The following SETD1A variants were observed in gnomAD, a reference collection of about 807,000 sequenced individuals.
SETD1A encodes histone-lysine N-methyltransferase SETD1A.
A neutral mutation model predicts 149.9 loss-of-function variants in SETD1A; 29 were observed. The ratio of observed to expected loss-of-function variants is 0.19; its 90% CI spans 0.14 to 0.26. The LOEUF is 0.26. Ranked by LOEUF, SETD1A falls within the 10% of genes least tolerant of loss-of-function variation. The probability of loss-of-function intolerance (pLI) is 1.00; values close to 1 mark genes in which losing one functional copy is unlikely to be tolerated. For missense variants in SETD1A, 2,109 were observed against 2,353.1 expected, an observed-to-expected ratio of 0.90 and a Z score of 2.15; for synonymous variants, 1,141 against 968.5, an observed-to-expected ratio of 1.18 and a Z score of -3.31.
rs2056200927 is a variant in SETD1A at position 30,969,697 on chromosome 16, C to T, written c.3016+8C>T. Reference sequence around the variant, plus strand: ...AGACAGAGGTGTCGGATGGTGAGCACAAGACAGTGAAATCGACTTTGGGCT... The same window carrying T: ...AGACAGAGGTGTCGGATGGTGAGCATAAGACAGTGAAATCGACTTTGGGCT... On this transcript the variant is annotated splice_region_variant and intron_variant, in intron 12 of 18. Coordinates refer to ENST00000262519, the MANE Select transcript of SETD1A (RefSeq NM_014712.3). 6.2e-7 allele frequency: 1 copy of T among 1,611,330 alleles called. No individual in the cohort carries two copies. Among genetic ancestry groups the T allele is most frequent in the African/African-American group, 1.3e-5 (1 of 74,872 alleles).
Position 30,984,644 on chromosome 16 carries a change from ATTAAACT to A in SETD1A, c.*625_*631del, listed in dbSNP as rs1382615818. ...CCGACGCCACATTTTTATAATTGTGATTAAACTTTATTGTACAAAAGTGTTTGGTCGG... is the reference window on the plus strand; with the variant it reads ...CCGACGCCACATTTTTATAATTGTGATTATTGTACAAAAGTGTTTGGTCGG... On this transcript the variant is annotated 3_prime_UTR_variant, in exon 19 of 19. Coordinates refer to ENST00000262519, the MANE Select transcript of SETD1A (RefSeq NM_014712.3). 1 of 152,960 alleles carries A rather than the reference ATTAAACT, an allele frequency of 6.5e-6. No individual in the cohort carries two copies. The highest frequency in any genetic ancestry group is 1.5e-5 in the Non-Finnish European group (1 of 68,322). The allele number at this position is 152,960 out of a possible 1,614,324, so 9.5% of individuals were successfully genotyped here. A position where few individuals can be genotyped will look rare whatever the true frequency, so the allele number is the denominator to read the frequency against.
In SETD1A at chr16:30,966,368, C is replaced by T; in HGVS notation, c.2487C>T (p.Ser829=). The T allele has an allele frequency of 6.2e-7, 1 of 1,609,156 alleles. No individual in the cohort carries two copies. ...AFGAFDQWWE[S]KEEKAKPFQN... ...GAGCCTTTGACCAGTGGTGGGAGAG[C>T]AAGGAGGAGAAGGCCAAGGTGAGGC... Residue 829 remains serine, a synonymous_variant, in exon 8 of 19, where the codon AGC becomes AGT. Coordinates refer to ENST00000262519, the MANE Select transcript of SETD1A (RefSeq NM_014712.3).
rs2056082120 is a variant in SETD1A, at chr16:30,963,437, A to G, written c.522A>G (p.Gln174=). 1.2e-6 allele frequency: 2 copies of G among 1,605,556 alleles called. No homozygotes were observed. The highest frequency in any genetic ancestry group is 1.7e-5 in the Admixed American group (1 of 59,030). The stretch of plus-strand genomic sequence containing the variant: ...TTCCCATTTCCCTCCCTCCAGGACA[A>G]CAACGAATGAAATACTATGAACTAA... ...IIHAQLDIKG[Q]QRMKYYELIV... is the part of the protein sequence containing the mutation. The change falls in exon 5 of 19, where the codon CAA becomes CAG. Residue 174 remains glutamine (Q), a synonymous_variant. Transcript: ENST00000262519.
rs1289010854 is a variant in SETD1A, at chr16:30,957,864, C to T, written c.-116C>T. The T allele has an allele frequency of 6.6e-6, 1 of 152,316 alleles. No homozygotes were observed. Among genetic ancestry groups the T allele is most frequent in the Non-Finnish European group, 1.5e-5 (1 of 68,074 alleles). The allele number at this position is 152,316 out of a possible 1,614,324, so 9.4% of individuals were successfully genotyped here. A position where few individuals can be genotyped will look rare whatever the true frequency, so the allele number is the denominator to read the frequency against. ...CGCAACTTCCGAGCCTCCCAGGGCG[C>T]CGGCCGAGGCGAAGCCGCTACCCTC... On this transcript the variant is annotated 5_prime_UTR_variant, in exon 1 of 19. Transcript: ENST00000262519.
intron 3 of SETD1A, among the ~76,000 whole-genome samples, chr16:30,960,294 C>T (rs2056031857): frequency 6.6e-6 from 1 of 152,162 alleles, no homozygotes; most frequent in Non-Finnish European, 1.5e-5. Flanking sequence ...CCTGGCCAAG[C>T]CTTATCCTCC....
At chr16:30,958,041 G>A (rs1567347379) in intron 1 of SETD1A, 77 bp downstream of exon 1, 1 of 150,900 alleles carries the variant, frequency 6.6e-6, no homozygotes, top group Non-Finnish European at 1.5e-5. Flanking sequence ...TGCGGGGCCG[G>A]GTCTCGCGCT....
intron 13 of SETD1A, among the ~76,000 whole-genome samples, chr16:30,974,876 C>T (rs1274871075): frequency 3.9e-5 from 6 of 152,096 alleles, no homozygotes; most frequent in African/African-American, 1.4e-4. Flanking sequence ...GGTGCGGTGG[C>T]TCACGCCTGT....
At chr16:30,971,750 C>CTG (rs756047114) in intron 13 of SETD1A, 31 bp downstream of exon 13, 5 of 1,525,680 alleles carry the variant, frequency 3.3e-6, no homozygotes, top group East Asian at 4.6e-5. Flanking sequence ...GGTTAGATCG[C>CTG]TGTGTGTGTG....
chr16:30,981,985 T>C (rs1343403342), intron 17 of SETD1A, among the ~76,000 whole-genome samples: 3 of 151,898 alleles, frequency 2.0e-5, no homozygotes, highest in African/African-American at 7.3e-5. Flanking sequence ...TGGCATTTGG[T>C]ATTAACAAGA....
chr16:30,958,524 G>A, intron 1 of SETD1A, 193 bp from the exon 2 acceptor site: 1 of 591,222 alleles, frequency 1.7e-6, no homozygotes, highest in Non-Finnish European at 3.0e-6. Flanking sequence ...AGAGTTGGGA[G>A]GTGGAAAGAG....
chr16:30,982,798 T>G (rs1168907085), intron 17 of SETD1A, among the ~76,000 whole-genome samples: 2 of 151,316 alleles, frequency 1.3e-5, no homozygotes, highest in African/African-American at 4.9e-5. Context: ...AGAGGAGGCT[T>G]TGGGTGCAAG....
Position 30,964,828 on chromosome 16 carries a change from T to C in SETD1A, c.1086T>C (p.Ser362=). 6.2e-7 allele frequency: 1 copy of C among 1,614,198 alleles called. No homozygotes were observed. ...CCTCGTCCTCTCAGTTTCGTAGTTCTGATGCAAACTACCCAGCGTATTATG... is the reference window on the plus strand; with the variant it reads ...CCTCGTCCTCTCAGTTTCGTAGTTCCGATGCAAACTACCCAGCGTATTATG... ...SSSSSSQFRS[S]DANYPAYYES... The change falls in exon 7 of 19, where the codon TCT becomes TCC. Residue 362 remains serine, a synonymous_variant. Coordinates refer to ENST00000262519, the MANE Select transcript of SETD1A (RefSeq NM_014712.3).
At chr16:30,966,419 G>A in intron 8 of SETD1A, 33 bp downstream of exon 8, 1 of 1,562,692 alleles carries the variant, frequency 6.4e-7, no homozygotes, top group Non-Finnish European at 8.7e-7. Context: ...GGGAGCCCTG[G>A]GCTTTGCAGG....
Position 30,983,620 on chromosome 16 carries a change from A to T in SETD1A, c.4813-15A>T. 6.2e-7 allele frequency: 1 copy of T among 1,609,700 alleles called. No homozygotes were observed. Among genetic ancestry groups the T allele is most frequent in the East Asian group, 2.2e-5 (1 of 44,718 alleles). On this transcript the variant is annotated splice_polypyrimidine_tract_variant and intron_variant, in intron 17 of 18. Transcript: ENST00000262519. This position sits in a 1 kb window ranked among gnomAD's most constrained non-coding sequence, Gnocchi z 6.8. ...TGGGGGACTCTTCCCTGACCATCGC[A>T]TCTCACCCTGGCAGATGGTGGCCGA...
At chr16:30,960,004 C>T (rs902461308) in intron 3 of SETD1A, among the ~76,000 whole-genome samples, 4 of 152,162 alleles carry the variant, frequency 2.6e-5, no homozygotes, top group South Asian at 2.1e-4. Flanking sequence ...GCAGTACCAT[C>T]GACTCAGCTG....
rs1227131701 is a variant in SETD1A, at chr16:30,979,926, C to T, written c.4140C>T (p.Ser1380=). ...AGGAGGAGGAGTCCTCTGACAGCAGCAGCAGCAGCGATGGGGAGGGCGCCC... is the reference window on the plus strand; with the variant it reads ...AGGAGGAGGAGTCCTCTGACAGCAGTAGCAGCAGCGATGGGGAGGGCGCCC... The part of the protein sequence containing the change: ...EEEEEESSDS[S]SSSDGEGALR... Residue 1380 remains serine, a synonymous_variant, in exon 14 of 19, where the codon AGC becomes AGT. Transcript: ENST00000262519. 1 of 1,534,216 alleles carries T rather than the reference C, an allele frequency of 6.5e-7. No homozygotes were observed. The highest frequency in any genetic ancestry group is 2.0e-5 in the Admixed American group (1 of 50,794).
intron 10 of SETD1A, among the ~76,000 whole-genome samples, chr16:30,968,480 A>C (rs961474363): frequency 6.6e-6 from 1 of 151,084 alleles, no homozygotes; most frequent in African/African-American, 2.4e-5. Context: ...ACACACACAC[A>C]TATATATATA....
chr16:30,963,405 C>T (rs752444056), intron 4 of SETD1A, 28 bp from the exon 5 acceptor site: 3 of 1,578,248 alleles, frequency 1.9e-6, no homozygotes, highest in Admixed American at 3.6e-5. Flanking sequence ...CTCCATCTGA[C>T]AATTGGTTCC....
chr16:30,972,143 T>A (rs777943784), intron 13 of SETD1A, among the ~76,000 whole-genome samples: 1 of 152,236 alleles, frequency 6.6e-6, no homozygotes, highest in Non-Finnish European at 1.5e-5. Context: ...TGTTCATTTG[T>A]ACGTCTAGTT....
Sources: allele counts gnomAD v4.1 joint callset (sites outside exome capture counted in the v4.1 genomes callset), GRCh38; gene constraint gnomAD v4.1.1; non-coding constraint Gnocchi (gnomAD v3.1); transcripts MANE v1.5; gene names NCBI Gene and HGNC (gene_info 2026-07-23, HGNC 2026-07-21).